RASA3: variants seen among roughly 807,000 people sequenced by gnomAD.
The protein encoded by RASA3 is RAS p21 protein activator 3.
Under a neutral mutation model 110.0 loss-of-function variants are expected in RASA3, and 73 were observed. The ratio of observed to expected loss-of-function variants is 0.66; its 90% CI spans 0.55 to 0.81. RASA3 has a LOEUF of 0.81. RASA3 is among the 30% of genes least tolerant of loss of function. The pLI, the probability that RASA3 is intolerant of heterozygous loss-of-function variation, is 0.00. For synonymous variants in RASA3, 500 were observed against 451.4 expected (o/e 1.11, Z -1.37); for missense variants, 976 against 1,113.2 (o/e 0.88, Z 1.75).
rs540507979 is a variant in RASA3 at position 113,997,304 on chromosome 13, CTG to C, written c.1933-567_1933-566del. Among the ~76,000 whole-genome samples the C allele has an allele frequency of 3.0e-4, 45 of 152,282 alleles. 1 individual carries two copies. In the South Asian group the frequency reaches 9.3e-3, roughly 32 times the overall value. On this transcript the variant is annotated intron_variant, in intron 20 of 23. Transcript: ENST00000334062. ...TTTATTACTCATTCAACAAACATGA[CTG>C]AGCACCAGCACTCTCCTATGTCCCG...
At chr13:114,062,397 T>C (rs2079370859) in intron 2 of RASA3, among the ~76,000 whole-genome samples, 1 of 150,418 alleles carries the variant, frequency 6.6e-6, no homozygotes, top group African/African-American at 2.5e-5. Flanking sequence ...GGTAGGGAGG[T>C]GGAGATGCGA....
chr13:114,042,351 G>C (rs544476618), intron 3 of RASA3, among the ~76,000 whole-genome samples: 1 of 152,382 alleles, frequency 6.6e-6, no homozygotes, highest in African/African-American at 2.4e-5. Context: ...TCTGTTGACC[G>C]ATGCACGTGA....
intron 7 of RASA3, among the ~76,000 whole-genome samples, chr13:114,025,627 A>T (rs1013750710): frequency 6.6e-6 from 1 of 152,244 alleles, no homozygotes; most frequent in Non-Finnish European, 1.5e-5. Context: ...CCAGCTGATC[A>T]CCAGCACGGT....
chr13:114,027,688 T>G (rs570513307), intron 6 of RASA3, among the ~76,000 whole-genome samples, 159 bp downstream of exon 6: 1 of 152,144 alleles, frequency 6.6e-6, no homozygotes, highest in Non-Finnish European at 1.5e-5. Flanking sequence ...CAAAGCAATT[T>G]TGGAGCAATA....
At chr13:114,007,476 A>C in intron 18 of RASA3, 57 bp downstream of exon 18, 2 of 1,045,118 alleles carry the variant, frequency 1.9e-6, no homozygotes, top group Non-Finnish European at 2.8e-6. Flanking sequence ...GCCCTGCTGG[A>C]CACCACCTTA....
rs368053644 is a variant in RASA3 at position 114,053,185 on chromosome 13, G to A, written c.174-1030C>T. Among the ~76,000 whole-genome samples the A allele has an allele frequency of 1.1e-3, 173 of 152,360 alleles. 5 individuals are homozygous for A. In the South Asian group the frequency reaches 0.036, roughly 31 times the overall value. ...ACTGCCCAGCCGCCCTAGCTCCTGG[G>A]GGAGAGGACCCCGCTGCTGACTGTG... is the stretch of plus-strand genomic sequence containing the variant. On this transcript the variant is annotated intron_variant, in intron 2 of 23. Coordinates refer to ENST00000334062, the MANE Select transcript of RASA3 (RefSeq NM_007368.4).
intron 3 of RASA3, among the ~76,000 whole-genome samples, chr13:114,044,730 G>A (rs1377725237): frequency 6.6e-6 from 1 of 150,960 alleles, no homozygotes; most frequent in East Asian, 2.0e-4. Context: ...AACTGAGTTG[G>A]GCAATATATT....
In RASA3 at chr13:114,057,103, G is replaced by C. The variant is rs546402929; in HGVS notation, c.174-4948C>G. Reference sequence around the variant, plus strand: ...AACCCTGGAGCCAGAACAGGCTCCAGCACAGGCGATGGGTGAGTGTTTTGC... The same window carrying C: ...AACCCTGGAGCCAGAACAGGCTCCACCACAGGCGATGGGTGAGTGTTTTGC... On this transcript the variant is annotated intron_variant, in intron 2 of 23. Coordinates refer to ENST00000334062, the MANE Select transcript of RASA3 (RefSeq NM_007368.4). The surrounding 1 kb of genome is among the most constrained non-coding windows in gnomAD (Gnocchi z 5.0). 6.4e-5 allele frequency: 46 copies of C among 720,324 alleles called. No individual in the cohort carries two copies. The highest frequency in any genetic ancestry group is 7.1e-5 in the Non-Finnish European group (42 of 588,262). The allele number at this position is 720,324 out of a possible 1,614,324, so 44.6% of individuals were successfully genotyped here. A position where few individuals can be genotyped will look rare whatever the true frequency, so the allele number is the denominator to read the frequency against.
Position 114,021,324 on chromosome 13 carries a change from T to G in RASA3, c.785+80A>C, listed in dbSNP as rs561367190. 8.5e-6 allele frequency: 11 copies of G among 1,293,874 alleles called. No individual in the cohort carries two copies. In the Admixed American group the frequency reaches 1.9e-4, roughly 23 times the overall value. 80.1% of individuals were successfully genotyped at this position (1,293,874 alleles called of 1,614,324 possible). On this transcript the variant is annotated intron_variant, in intron 9 of 23. Coordinates refer to ENST00000334062, the MANE Select transcript of RASA3 (RefSeq NM_007368.4). ...GCCGAGGACCAGCACATGTGGCCTC[T>G]GTGCCTTTCCACTCAGAGGCAGCAC...
At chr13:114,071,691 A>G (rs1298118368) in intron 2 of RASA3, among the ~76,000 whole-genome samples, 1 of 152,172 alleles carries the variant, frequency 6.6e-6, no homozygotes, top group Non-Finnish European at 1.5e-5. Context: ...AAGAACCCGG[A>G]GCGTGCATTA....
At chr13:114,126,119 ACCGGCAC>A (rs2080444975) in intron 1 of RASA3, among the ~76,000 whole-genome samples, 4 of 121,230 alleles carry the variant, frequency 3.3e-5, no homozygotes, top group East Asian at 2.5e-4. Context: ...CTCCAGAGGT[ACCGGCAC>A]CTGCTGTCCA....
chr13:114,035,751 G>A (rs1247370218), intron 4 of RASA3: 2 of 152,316 alleles, frequency 1.3e-5, no homozygotes, highest in Non-Finnish European at 2.9e-5. Flanking sequence ...AGATGAGACA[G>A]GATGCAGAGG....
intron 1 of RASA3, among the ~76,000 whole-genome samples, chr13:114,130,818 C>G (rs2080508218): frequency 6.6e-6 from 1 of 152,192 alleles, no homozygotes; most frequent in African/African-American, 2.4e-5. Context: ...CACAGGGGCA[C>G]CCACCTCCAG....
At chr13:114,036,788 C>T (rs146293715) in intron 4 of RASA3, among the ~76,000 whole-genome samples, 1,598 of 152,284 alleles carry the variant, frequency 0.01, 16 homozygotes, top group Middle Eastern at 0.068. Flanking sequence ...CCACCCGCCT[C>T]GGCCTCCCAA....
chr13:114,120,112 CCCT>C lies in RASA3; in HGVS notation c.55+12320_55+12322del, dbSNP rs1358550615. On this transcript the variant is annotated intron_variant, in intron 1 of 23. Coordinates refer to ENST00000334062, the MANE Select transcript of RASA3 (RefSeq NM_007368.4). Reference sequence around the variant, plus strand: ...TCCAGCCAGGCGTCGATCAGGGCCCCCCTCCCCTCTCCAGCCAGGCGTCGATCA... The same window carrying C: ...TCCAGCCAGGCGTCGATCAGGGCCCCCCCCTCTCCAGCCAGGCGTCGATCA... 8.3e-3 allele frequency among the ~76,000 whole-genome samples: 375 copies of C among 45,192 alleles called. 6 individuals carry two copies. The highest frequency in any genetic ancestry group is 0.01 in the Non-Finnish European group (230 of 22,504). The allele number at this position is 45,192 out of a possible 152,430, so 29.6% of individuals were successfully genotyped here.
Position 114,057,632 on chromosome 13 carries a change from C to T in RASA3, c.174-5477G>A, listed in dbSNP as rs1437424948. ...CAGCCTGACACCCAAGGCCACGATG[C>T]CATAGCCAGGGAGCCCTGAAGAAAC... On this transcript the variant is annotated intron_variant, in intron 2 of 23. Transcript: ENST00000334062. This position sits in a 1 kb window ranked among gnomAD's most constrained non-coding sequence, Gnocchi z 5.0. 1.3e-5 allele frequency among the ~76,000 whole-genome samples: 2 copies of T among 152,198 alleles called. No individual in the cohort carries two copies. The highest frequency in any genetic ancestry group is 2.4e-5 in the African/African-American group (1 of 41,434).
At chr13:114,040,481 G>A (rs112811167) in intron 4 of RASA3, among the ~76,000 whole-genome samples, 1 of 127,994 alleles carries the variant, frequency 7.8e-6, no homozygotes, top group South Asian at 2.7e-4. Flanking sequence ...CAGAGACCGC[G>A]CTCACTCCGA....
chr13:114,026,210 G>A (rs1003024534), intron 7 of RASA3, among the ~76,000 whole-genome samples: 5 of 152,234 alleles, frequency 3.3e-5, no homozygotes, highest in Non-Finnish European at 7.3e-5. Flanking sequence ...CAGTGGGCGA[G>A]CTCTACCCCA....
intron 2 of RASA3, among the ~76,000 whole-genome samples, chr13:114,068,112 G>A (rs2079485119): frequency 6.6e-6 from 1 of 152,258 alleles, no homozygotes; most frequent in Non-Finnish European, 1.5e-5. Context: ...AGGGGGCACA[G>A]AAACCAGCCA....
Sources: gnomAD v4.1 joint callset for allele counts (sites outside exome capture counted in the v4.1 genomes callset) on GRCh38, gnomAD v4.1.1 for gene constraint, Gnocchi (gnomAD v3.1) non-coding constraint, MANE v1.5 for transcripts, NCBI Gene and HGNC (gene_info 2026-07-23, HGNC 2026-07-21) for gene names.